Variants in SLC5A11 observed in about 807,000 individuals in gnomAD.
The protein encoded by SLC5A11 is solute carrier family 5 member 11, also known as sodium/myo-inositol cotransporter 2.
SLC5A11 carries 48 observed loss-of-function variants against 69.8 expected under a neutral mutation model. That is an observed-to-expected ratio of 0.69 (90% CI 0.55 to 0.87). The LOEUF (loss-of-function observed/expected upper bound fraction) is 0.87. Among genes scored for constraint, SLC5A11 ranks in the 40% least tolerant of loss-of-function variants. SLC5A11 has a pLI of 0.00. For synonymous variants in SLC5A11, 319 were observed against 342.4 expected (o/e 0.93, Z 0.75); for missense variants, 784 against 866.1 (o/e 0.91, Z 1.19).
At chr16:24,861,793 GGAAA>G (rs1050751848) in intron 2 of SLC5A11, among the ~76,000 whole-genome samples, 8 of 137,068 alleles carry the variant, frequency 5.8e-5, no homozygotes, top group Non-Finnish European at 9.3e-5. Context: ...AAGGAAGGAA[GGAAA>G]GAAAGAAAAG....
At chr16:24,907,147 T>A (rs746273582) in exon 12 of SLC5A11, 1 of 1,614,094 alleles carries the variant, frequency 6.2e-7, no homozygotes, top group Admixed American at 1.7e-5. Context: ...GCCTCGGGCA[T>A]CTGAGAAGGA....
rs149529860 is a variant in SLC5A11 at position 24,905,950 on chromosome 16, G to A, written c.1007-707G>A. On this transcript the variant is annotated intron_variant, in intron 10 of 15. Coordinates refer to ENST00000347898, the Ensembl canonical transcript of SLC5A11. ...TTCAGTTAATGTTGGGTTTGTGGAA[G>A]AAGAAGGTTTTGTGCTATGTTTGGA... 6.8e-3 allele frequency among the ~76,000 whole-genome samples: 1,041 copies of A among 152,278 alleles called. 12 individuals carry two copies. The highest frequency in any genetic ancestry group is 0.024 in the African/African-American group (979 of 41,564).
At chr16:24,858,500 T>G in intron 1 of SLC5A11, 120 bp from the exon 3 acceptor site, 1 of 749,470 alleles carries the variant, frequency 1.3e-6, no homozygotes, top group East Asian at 2.9e-5. Flanking sequence ...AGATCTGTCT[T>G]CCACCACACA....
intron 9 of SLC5A11, among the ~76,000 whole-genome samples, chr16:24,895,212 G>C (rs2049072135): frequency 6.6e-6 from 1 of 152,136 alleles, no homozygotes; most frequent in Admixed American, 6.6e-5. Flanking sequence ...GACCCGGCTG[G>C]GTGTGGCAGC....
rs146150102 is a variant in SLC5A11 at position 24,895,150 on chromosome 16, AAAG to A, written c.871-2821_871-2819del. 8.2e-3 allele frequency among the ~76,000 whole-genome samples: 1,248 copies of A among 152,022 alleles called. 114 individuals are homozygous for A. The East Asian group carries it at 0.19, about 24-fold the overall frequency. Reference sequence around the variant, plus strand: ...AGAAAAAAAGAAAGAAAGAAAAAAAAAAGAACCATCCGACTACTCTCCCTTTTA... The same window carrying A: ...AGAAAAAAAGAAAGAAAGAAAAAAAAAACCATCCGACTACTCTCCCTTTTA... On this transcript the variant is annotated intron_variant, in intron 9 of 15. Coordinates refer to ENST00000347898, the Ensembl canonical transcript of SLC5A11.
rs754627693 is a variant in SLC5A11 at position 24,907,086 on chromosome 16, C to CT, written c.1179dup (p.Asn394Ter). ...CTCTCATGTCCTCCCTCACCTCCAT[C>CT]TTTAACAGTGCCAGCACCATCTTCA... On this transcript the variant is annotated frameshift_variant, in exon 12 of 16. Transcript: ENST00000347898. LOFTEE classifies it high-confidence loss of function. 1 of 1,614,160 alleles carries CT rather than the reference C, an allele frequency of 6.2e-7. No individual in the cohort carries two copies. The highest frequency in any genetic ancestry group is 8.5e-7 in the Non-Finnish European group (1 of 1,180,006).
At chr16:24,848,687 C>A (rs145147413) in intron 1 of SLC5A11, among the ~76,000 whole-genome samples, 1 of 152,154 alleles carries the variant, frequency 6.6e-6, no homozygotes, top group Non-Finnish European at 1.5e-5. Flanking sequence ...TGGGAGGATC[C>A]CTTGAGCACA....
intron 8 of SLC5A11, among the ~76,000 whole-genome samples, chr16:24,889,461 G>A (rs543719579): frequency 6.6e-6 from 1 of 151,388 alleles, no homozygotes; most frequent in East Asian, 1.9e-4. Flanking sequence ...CAGCCTGGGT[G>A]ACAGAGTGAG....
intron 10 of SLC5A11, among the ~76,000 whole-genome samples, chr16:24,900,228 C>T (rs766650798): frequency 6.6e-6 from 1 of 152,114 alleles, no homozygotes; most frequent in African/African-American, 2.4e-5. Flanking sequence ...GTGTACTCAC[C>T]AAGGATGTTA....
intron 15 of SLC5A11, 49 bp from the exon 17 acceptor site, chr16:24,911,279 G>A (rs755168933): frequency 6.3e-7 from 1 of 1,583,294 alleles, no homozygotes; most frequent in Non-Finnish European, 8.7e-7. Flanking sequence ...TCACCTCTCT[G>A]GGAGATACAG....
chr16:24,897,368 G>A (rs1391042904), intron 9 of SLC5A11, among the ~76,000 whole-genome samples: 1 of 152,070 alleles, frequency 6.6e-6, no homozygotes, highest in Non-Finnish European at 1.5e-5. Flanking sequence ...TTCTGTGGAG[G>A]ACTCTAATTG....
At chr16:24,906,743 G>C in exon 11 of SLC5A11, 1 of 1,613,066 alleles carries the variant, frequency 6.2e-7, no homozygotes, top group Admixed American at 1.7e-5. Context: ...TCCCAAACTC[G>C]TGCTGGAACT....
exon 13 of SLC5A11, chr16:24,908,030 G>A (rs1015585735): frequency 3.1e-6 from 5 of 1,613,738 alleles, no homozygotes; most frequent in African/African-American, 1.3e-5. Flanking sequence ...CAGCCAGGGC[G>A]GCCAGCTCTT....
At chr16:24,858,570 G>A in intron 1 of SLC5A11, 50 bp from the exon 3 acceptor site, 2 of 1,522,586 alleles carry the variant, frequency 1.3e-6, no homozygotes, top group Non-Finnish European at 1.8e-6. Context: ...GAAAGGGTGA[G>A]AAGAATGATG....
chr16:24,879,293 C>T lies in SLC5A11; in HGVS notation c.583+1930C>T, dbSNP rs865869823. On this transcript the variant is annotated intron_variant, in intron 7 of 15. Transcript: ENST00000347898. ...TTGCATGATGCTGAGGTCTGGGGTA[C>T]GAATGGATCCATTAGTCCACGTAGT... is the stretch of plus-strand genomic sequence containing the variant. 3.3e-5 allele frequency among the ~76,000 whole-genome samples: 5 copies of T among 151,880 alleles called. No individual in the cohort carries two copies. The South Asian group carries it at 6.2e-4, about 19-fold the overall frequency.
chr16:24,902,053 A>AGTGCC (rs1434470178), intron 10 of SLC5A11, among the ~76,000 whole-genome samples: 1 of 152,068 alleles, frequency 6.6e-6, no homozygotes, highest in African/African-American at 2.4e-5. Flanking sequence ...TCGAGGCTGC[A>AGTGCC]GTGAGCTGTG....
At chr16:24,877,384 A>T in intron 7 of SLC5A11, 21 bp downstream of exon 8, 1 of 1,594,440 alleles carries the variant, frequency 6.3e-7, no homozygotes, top group South Asian at 1.1e-5. Flanking sequence ...ACAAAGGGTA[A>T]CACCTAGCAG....
chr16:24,882,602 A>G (rs983298342), intron 7 of SLC5A11, among the ~76,000 whole-genome samples: 1 of 152,214 alleles, frequency 6.6e-6, no homozygotes, highest in Admixed American at 6.5e-5. Context: ...CTCTTTCCAG[A>G]TGCTGATGGA....
chr16:24,884,182 C>G (rs779524446), intron 8 of SLC5A11, 51 bp downstream of exon 9: 2 of 1,547,510 alleles, frequency 1.3e-6, no homozygotes, highest in South Asian at 2.2e-5. Context: ...CTCTCTCCAG[C>G]AGGGATATCT....
Sources: gnomAD v4.1 joint callset for allele counts (sites outside exome capture counted in the v4.1 genomes callset) on GRCh38, gnomAD v4.1.1 for gene constraint, MANE v1.5 for transcripts, NCBI Gene and HGNC (gene_info 2026-07-23, HGNC 2026-07-21) for gene names.